Variants in IL16 observed in about 807,000 individuals in gnomAD.
IL16 encodes interleukin 16.
A neutral mutation model predicts 110.1 loss-of-function variants in IL16; 67 were observed. The observed-to-expected ratio is 0.61, with a 90% CI of 0.50 to 0.75. IL16 has a LOEUF of 0.75. IL16 is among the 30% of genes least tolerant of loss of function. The pLI is 0.00. For missense variants in IL16, 1,545 were observed against 1,655.0 expected (o/e 0.93, Z 1.15); for synonymous variants, 689 against 662.9 (o/e 1.04, Z -0.61).
Position 81,299,870 on chromosome 15 carries a change from C to G in IL16, c.2544C>G (p.Thr848=). ...GGCAGAGAATCAGCTCCTTTGAAAC[C>G]TTTGGCTCCTCTCAACTGCCTGACA... ...SIRQRISSFE[T]FGSSQLPDKG... is the part of the protein sequence containing the mutation. Residue 848 remains threonine (T), a synonymous_variant, in exon 14 of 19, where the codon ACC becomes ACG. Transcript: ENST00000683961. The G allele has an allele frequency of 6.2e-7, 1 of 1,613,704 alleles. No individual in the cohort carries two copies. Among genetic ancestry groups the G allele is most frequent in the Non-Finnish European group, 8.5e-7 (1 of 1,179,988 alleles).
chr15:81,188,024 G>C (rs145224959), intron 1 of IL16, among the ~76,000 whole-genome samples: 1 of 152,152 alleles, frequency 6.6e-6, no homozygotes, highest in Non-Finnish European at 1.5e-5. Flanking sequence ...GCACTGTATT[G>C]AGGCTTTGTA....
chr15:81,285,504 G>A (rs1022589689), intron 9 of IL16, among the ~76,000 whole-genome samples, 194 bp from the exon 10 acceptor site: 1 of 152,204 alleles, frequency 6.6e-6, no homozygotes, highest in African/African-American at 2.4e-5. Context: ...TGGTTGTACG[G>A]TAAGGGGGTA....
chr15:81,285,830 G>A lies in IL16; in HGVS notation c.1332G>A (p.Gln444=), dbSNP rs767585170. 1.2e-6 allele frequency: 2 copies of A among 1,614,118 alleles called. No individual in the cohort carries two copies. Among genetic ancestry groups the A allele is most frequent in the Middle Eastern group, 1.6e-4 (1 of 6,062 alleles). Residue 444 remains glutamine, a splice_region_variant and synonymous_variant, in exon 10 of 19, where the codon CAG becomes CAA. Transcript: ENST00000683961. ...PIIVSRHPDP[Q]VSEQQLKEAV... The stretch of plus-strand genomic sequence containing the variant: ...TTGTTAGCCGACATCCAGACCCACA[G>A]GTAACACCCACTGGGTTATCCTCTT...
intron 8 of IL16, among the ~76,000 whole-genome samples, chr15:81,282,363 G>T (rs899693119): frequency 4.6e-5 from 7 of 152,166 alleles, no homozygotes; most frequent in African/African-American, 1.7e-4. Flanking sequence ...ATCACTCTTA[G>T]ATACTGTCCT....
intron 10 of IL16, chr15:81,290,047 T>C: frequency 2.8e-6 from 1 of 353,324 alleles, no homozygotes; most frequent in Non-Finnish European, 5.5e-6. Flanking sequence ...TAATAAACTG[T>C]GAGTCACAGC....
intron 6 of IL16, among the ~76,000 whole-genome samples, chr15:81,275,698 A>G (rs1898879583): frequency 1.3e-5 from 2 of 152,196 alleles, no homozygotes; most frequent in Non-Finnish European, 2.9e-5. Context: ...GAAGATTTCA[A>G]TGAGTCAAGA....
chr15:81,284,350 T>C (rs1488633040), intron 9 of IL16, among the ~76,000 whole-genome samples: 1 of 152,214 alleles, frequency 6.6e-6, no homozygotes, highest in African/African-American at 2.4e-5. Context: ...TGATGCTGTC[T>C]CTCTGGAGCT....
At chr15:81,217,917 A>G (rs1320034745) in intron 1 of IL16, among the ~76,000 whole-genome samples, 1 of 152,210 alleles carries the variant, frequency 6.6e-6, no homozygotes, top group East Asian at 1.9e-4. Flanking sequence ...ATATCGGTCA[A>G]CATTCTACAT....
chr15:81,296,248 C>T (rs1899977765), intron 12 of IL16, among the ~76,000 whole-genome samples: 1 of 152,230 alleles, frequency 6.6e-6, no homozygotes, highest in Non-Finnish European at 1.5e-5. Flanking sequence ...GTGTGATAAT[C>T]CAAACTCTTC....
chr15:81,299,751 C>T lies in IL16; in HGVS notation c.2425C>T (p.Leu809Phe), dbSNP rs573108485. 7 of 1,614,202 alleles carry T rather than the reference C, an allele frequency of 4.3e-6. No homozygotes were observed. Among genetic ancestry groups the T allele is most frequent in the Non-Finnish European group, 5.1e-6 (6 of 1,180,032 alleles). The change falls in exon 14 of 19, where the codon CTC becomes TTC. Residue 809 changes from leucine (L) to phenylalanine (F), a missense_variant. Leu to Phe is a conservative substitution (Grantham distance 22, BLOSUM62 0). Around this residue, in one of 3 missense-constraint regions of IL16, gnomAD observed 1,185 missense variants for 1,238.8 expected, o/e 0.96. Transcript: ENST00000683961. ...GAATCGTGCTTCAGACCCAAGAGGGCTCCCTGATCCTGCCTTGTCCACCCA... is the reference window on the plus strand; with the variant it reads ...GAATCGTGCTTCAGACCCAAGAGGGTTCCCTGATCCTGCCTTGTCCACCCA... ...LRNRASDPRGLPDPALSTQPA... is the reference protein window; with the variant it reads ...LRNRASDPRGFPDPALSTQPA...
At chr15:81,272,474 T>C (rs142766974) in intron 5 of IL16, among the ~76,000 whole-genome samples, 284 of 152,292 alleles carry the variant, frequency 1.9e-3, no homozygotes, top group African/African-American at 6.5e-3. Context: ...GAGCCACCTG[T>C]ACAATTCCAG....
At chr15:81,216,091 T>C (rs1309681605) in intron 1 of IL16, among the ~76,000 whole-genome samples, 1 of 152,190 alleles carries the variant, frequency 6.6e-6, no homozygotes, top group Non-Finnish European at 1.5e-5. Context: ...CCCTGCTCTC[T>C]CCTGGCTGGA....
At chr15:81,241,743 G>C (rs557706004) in intron 2 of IL16, among the ~76,000 whole-genome samples, 6 of 152,106 alleles carry the variant, frequency 3.9e-5, no homozygotes, top group African/African-American at 1.4e-4. Flanking sequence ...TAAAATTATA[G>C]TAGAATATTA....
chr15:81,205,451 G>C (rs1245635948), intron 1 of IL16, among the ~76,000 whole-genome samples: 1 of 152,026 alleles, frequency 6.6e-6, no homozygotes, highest in Non-Finnish European at 1.5e-5. Context: ...CAATGAAGAG[G>C]AAAAATACAG....
In IL16 at chr15:81,273,157, C is replaced by T. The variant is rs2142256295; in HGVS notation, c.743C>T (p.Thr248Ile). Residue 248 changes from threonine to isoleucine, a missense_variant, in exon 6 of 19, where the codon ACC becomes ATC. Thr to Ile is a moderately conservative substitution (Grantham distance 89, BLOSUM62 -1). Coordinates refer to ENST00000683961, the MANE Select transcript of IL16 (RefSeq NM_172217.5). ...GGCCCCATTGGGATTTACGTCAAAA[C>T]CATTTTTGCAGGGGGAGCAGCAGCA... is the stretch of plus-strand genomic sequence containing the variant. ...IYGPIGIYVK[T>I]IFAGGAAAAD... The T allele has an allele frequency of 3.1e-6, 5 of 1,613,660 alleles. No individual in the cohort carries two copies. In the East Asian group the frequency reaches 1.1e-4, roughly 36 times the overall value.
intron 5 of IL16, among the ~76,000 whole-genome samples, chr15:81,271,820 C>T (rs995939978): frequency 1.3e-5 from 2 of 152,220 alleles, no homozygotes; most frequent in African/African-American, 2.4e-5. Context: ...AGGCTTAGAA[C>T]AGCTGCTCAT....
At chr15:81,186,471 C>T (rs1226539284) in intron 1 of IL16, among the ~76,000 whole-genome samples, 1 of 152,168 alleles carries the variant, frequency 6.6e-6, no homozygotes, top group East Asian at 1.9e-4. Flanking sequence ...ATCCATACTG[C>T]TCACATGCTG....
intron 1 of IL16, chr15:81,182,952 G>C (rs574640452): frequency 1.8e-6 from 2 of 1,135,004 alleles, no homozygotes; most frequent in Admixed American, 4.6e-5. Flanking sequence ...GGAATGGAGG[G>C]GTGGACCCTT....
chr15:81,206,462 T>C (rs1376537333), intron 1 of IL16, among the ~76,000 whole-genome samples: 1 of 152,218 alleles, frequency 6.6e-6, no homozygotes, highest in Non-Finnish European at 1.5e-5. Context: ...GACTGCATTT[T>C]AATATCACAT....
Sources: gnomAD v4.1 joint callset for allele counts (sites outside exome capture counted in the v4.1 genomes callset) on GRCh38, gnomAD v4.1.1 for gene constraint, gnomAD v4.1.1 regional missense constraint, MANE v1.5 for transcripts, NCBI Gene and HGNC (gene_info 2026-07-23, HGNC 2026-07-21) for gene names.